KIF15: variants seen among roughly 807,000 people sequenced by gnomAD.
KIF15 encodes the protein kinesin family member 15.
In KIF15, 140 loss-of-function variants were observed where a neutral mutation model predicts 190.6. That is an observed-to-expected ratio of 0.73 (90% CI 0.64 to 0.84). KIF15 has a LOEUF of 0.84. Ranked by LOEUF, KIF15 falls within the 40% of genes least tolerant of loss-of-function variation. The pLI is 0.00. For synonymous variants in KIF15, 528 were observed against 551.3 expected (o/e 0.96, Z 0.59); for missense variants, 1,372 against 1,584.4 (o/e 0.87, Z 2.28).
At chr3:44,778,877 G>C (rs1260839403) in intron 4 of KIF15, among the ~76,000 whole-genome samples, 9 of 151,224 alleles carry the variant, frequency 6.0e-5, no homozygotes, top group Non-Finnish European at 4.4e-5. Flanking sequence ...AGCTACTTGG[G>C]AGGCTGAGGC....
downstream of KIF15, among the ~76,000 whole-genome samples, chr3:44,855,879 T>A (rs1699183088): frequency 6.6e-6 from 1 of 152,014 alleles, no homozygotes; most frequent in Non-Finnish European, 1.5e-5. Flanking sequence ...AATTGATTGG[T>A]TGGTTGGTGA....
rs750689601 is a variant in KIF15, at chr3:44,830,934, C to T, written c.3087C>T (p.Ser1029=). ...YNSALVDREE[S]RVLIKKQEVD... is the part of the protein sequence containing the mutation. ...CTGCTTTGGTTGACAGAGAAGAGAG[C>T]AGAGTGTTGATCAAGAAGCAGGAAG... is the stretch of plus-strand genomic sequence containing the variant. The change falls in exon 26 of 35, where the codon AGC becomes AGT. Residue 1029 remains serine (S), a synonymous_variant. Coordinates refer to ENST00000326047, the MANE Select transcript of KIF15 (RefSeq NM_020242.3). 1.9e-6 allele frequency: 3 copies of T among 1,613,922 alleles called. No homozygotes were observed. Among genetic ancestry groups the T allele is most frequent in the Non-Finnish European group, 2.5e-6 (3 of 1,179,928 alleles).
In KIF15 at chr3:44,831,031, G is replaced by A. The variant is rs567526080; in HGVS notation, c.3171+13G>A. The A allele has an allele frequency of 4.4e-6, 7 of 1,608,784 alleles. No individual in the cohort carries two copies. The East Asian group carries it at 6.7e-5, about 15-fold the overall frequency. ...TGAGGACATAGAGGTAGGTATTAAC[G>A]CATCACAGCTTCTTTGTTTGCCTTA... On this transcript the variant is annotated intron_variant, in intron 26 of 34. Coordinates refer to ENST00000326047, the MANE Select transcript of KIF15 (RefSeq NM_020242.3).
At position 44,826,751 on chromosome 3, in the gene KIF15, C is replaced by CT. The variant is rs747787868; in HGVS notation, c.2786+293dup. Among the ~76,000 whole-genome samples the CT allele has an allele frequency of 2.0e-5, 3 of 152,296 alleles. No homozygotes were observed. In the East Asian group the frequency reaches 5.8e-4, roughly 29 times the overall value. The stretch of plus-strand genomic sequence containing the variant: ...ATATATAATAAGATGACTTCTAACT[C>CT]TTCCTTTTATTATTGGAAGGAGGAG... On this transcript the variant is annotated intron_variant, in intron 22 of 34. Transcript: ENST00000326047.
intron 20 of KIF15, among the ~76,000 whole-genome samples, chr3:44,821,384 G>A (rs996266974): frequency 2.5e-4 from 38 of 150,072 alleles, no homozygotes; most frequent in Non-Finnish European, 3.7e-4. Context: ...GCTTCCGGGC[G>A]GAGGGGCTCC....
intron 20 of KIF15, among the ~76,000 whole-genome samples, chr3:44,817,533 C>G (rs1249778011): frequency 6.6e-6 from 1 of 152,140 alleles, no homozygotes. Flanking sequence ...TCAGGTTTGT[C>G]AAAGATCAGA....
intron 17 of KIF15, 63 bp downstream of exon 17, chr3:44,811,106 A>AACTGAAGT: frequency 8.0e-7 from 1 of 1,254,762 alleles, no homozygotes; most frequent in East Asian, 2.3e-5. Context: ...TTGCTTTGTT[A>AACTGAAGT]TTTTAATTCC....
chr3:44,772,558 A>T (rs1045519773), intron 1 of KIF15, among the ~76,000 whole-genome samples: 2 of 152,242 alleles, frequency 1.3e-5, no homozygotes, highest in Admixed American at 6.5e-5. Context: ...TATAACTTGG[A>T]TATCCACTTT....
At chr3:44,819,568 T>C (rs1322193904) in intron 20 of KIF15, among the ~76,000 whole-genome samples, 1 of 152,246 alleles carries the variant, frequency 6.6e-6, no homozygotes, top group Non-Finnish European at 1.5e-5. Context: ...AGTGAGTCTC[T>C]TAATCCTGAG....
chr3:44,764,404 G>C (rs1183339110), intron 1 of KIF15, among the ~76,000 whole-genome samples: 1 of 152,112 alleles, frequency 6.6e-6, no homozygotes, highest in African/African-American at 2.4e-5. Context: ...TTATGTCTGT[G>C]ATCATTGTCC....
chr3:44,853,011 G>A lies in KIF15; in HGVS notation c.*276G>A. The A allele has an allele frequency of 4.0e-6, 1 of 247,712 alleles. No individual in the cohort carries two copies. 15.3% of individuals were successfully genotyped at this position (247,712 alleles called of 1,614,324 possible). A position where few individuals can be genotyped will look rare whatever the true frequency, so the allele number is the denominator to read the frequency against. ...GTCTTTGTAAAAATAAAAGCCTGTAGCTAAGGTTTACAGTGGACATTAGCC... is the reference window on the plus strand; with the variant it reads ...GTCTTTGTAAAAATAAAAGCCTGTAACTAAGGTTTACAGTGGACATTAGCC... On this transcript the variant is annotated 3_prime_UTR_variant, in exon 35 of 35. Coordinates refer to ENST00000326047, the MANE Select transcript of KIF15 (RefSeq NM_020242.3).
At chr3:44,862,144 C>A in intron 6 of KIF15, 2 of 181,020 alleles carry the variant, frequency 1.1e-5, no homozygotes, top group Non-Finnish European at 1.9e-5. Context: ...GTTGGTGCTG[C>A]TGCTGCGGGC....
intron 1 of KIF15, among the ~76,000 whole-genome samples, chr3:44,773,223 G>A (rs1403992081): frequency 6.6e-6 from 1 of 152,088 alleles, no homozygotes; most frequent in Non-Finnish European, 1.5e-5. Flanking sequence ...TGCAGGGCTT[G>A]AAAGATGCCT....
intron 1 of KIF15, among the ~76,000 whole-genome samples, chr3:44,763,871 A>G (rs1055667256): frequency 6.6e-6 from 1 of 151,932 alleles, no homozygotes; most frequent in Non-Finnish European, 1.5e-5. Context: ...GTATTTTAGT[A>G]GAGACAGGGT....
In KIF15 at chr3:44,867,619, ATCAC is replaced by A. The variant is rs139407724; in HGVS notation, c.*60-5706_*60-5703del. Among the ~76,000 whole-genome samples, 355 of 152,354 alleles carry A rather than the reference ATCAC, an allele frequency of 2.3e-3. 1 individual carries two copies. The highest frequency in any genetic ancestry group is 7.7e-3 in the African/African-American group (320 of 41,588). On this transcript the variant is annotated intron_variant and NMD_transcript_variant, in intron 6 of 6. Coordinates refer to the KIF15 transcript ENST00000422209. ...ATGGTTGGTGTTGACGTGGAACCCT[ATCAC>A]TCAATTCAACAAATATGCCTGTATT...
At chr3:44,805,800 A>G in intron 15 of KIF15, 45 bp from the exon 16 acceptor site, 1 of 1,547,238 alleles carries the variant, frequency 6.5e-7, no homozygotes, top group Non-Finnish European at 8.8e-7. Flanking sequence ...TAAATGTTTG[A>G]CATTACTTAT....
Position 44,810,999 on chromosome 3 carries a change from G to C in KIF15, c.2125G>C (p.Glu709Gln), listed in dbSNP as rs1559554486. ...LNEPVPPEMN[E>Q]QAFEAISEEL... ...TGAGCCAGTTCCTCCTGAGATGAAT[G>C]AACAAGCTTTTGAGGCCATTTCTGA... Residue 709 changes from glutamate (E) to glutamine (Q), a missense_variant, in exon 17 of 35, where the codon GAA (glutamate) becomes CAA (glutamine). By Grantham distance (29) the Glu-to-Gln change is conservative. Coordinates refer to ENST00000326047, the MANE Select transcript of KIF15 (RefSeq NM_020242.3). 6.2e-7 allele frequency: 1 copy of C among 1,613,776 alleles called. No homozygotes were observed. Among genetic ancestry groups the C allele is most frequent in the Middle Eastern group, 1.7e-4 (1 of 6,060 alleles).
intron 26 of KIF15, among the ~76,000 whole-genome samples, chr3:44,836,338 G>A (rs1014713079): frequency 6.6e-5 from 10 of 152,134 alleles, no homozygotes; most frequent in African/African-American, 2.2e-4. Context: ...CTGGGCGACA[G>A]AGCAAGACTC....
chr3:44,856,377 C>CT (rs1699189166), downstream of KIF15, among the ~76,000 whole-genome samples: 2 of 152,164 alleles, frequency 1.3e-5, no homozygotes. Flanking sequence ...GAAGTGATTT[C>CT]TTTGAGGACA....
Sources: allele counts gnomAD v4.1 joint callset (sites outside exome capture counted in the v4.1 genomes callset), GRCh38; gene constraint gnomAD v4.1.1; transcripts MANE v1.5; gene names NCBI Gene and HGNC (gene_info 2026-07-23, HGNC 2026-07-21).